PPFIA2: variants seen among roughly 807,000 people sequenced by gnomAD.
The protein encoded by PPFIA2 is liprin-alpha-2.
Under a neutral mutation model 175.5 loss-of-function variants are expected in PPFIA2, and 46 were observed. That is an observed-to-expected ratio of 0.26 (90% CI 0.21 to 0.34). The LOEUF (loss-of-function observed/expected upper bound fraction) is 0.34, where lower values mean the gene tolerates loss of function less well. Ranked by LOEUF, PPFIA2 falls within the 10% of genes least tolerant of loss-of-function variation. The pLI, the probability that PPFIA2 is intolerant of heterozygous loss-of-function variation, is 1.00. For synonymous variants in PPFIA2, 568 were observed against 511.4 expected (o/e 1.11, Z -1.49); for missense variants, 1,179 against 1,506.1 (o/e 0.78, Z 3.60).
At chr12:81,574,560 C>T (rs867449762) in intron 4 of PPFIA2, among the ~76,000 whole-genome samples, 2 of 151,668 alleles carry the variant, frequency 1.3e-5, no homozygotes, top group African/African-American at 4.8e-5. Context: ...CAATTGAATG[C>T]AATAAAAAAT....
intron 30 of PPFIA2, 29 bp downstream of exon 30, chr12:81,266,923 G>A (rs1261041164): frequency 1.3e-6 from 2 of 1,531,172 alleles, no homozygotes; most frequent in South Asian, 2.3e-5. Context: ...TACTCTCTCA[G>A]ATCTCTTTTG....
intron 8 of PPFIA2, among the ~76,000 whole-genome samples, chr12:81,386,476 G>A (rs1463454357): frequency 6.6e-6 from 1 of 151,500 alleles, no homozygotes; most frequent in Non-Finnish European, 1.5e-5. Flanking sequence ...AGGAAAATTA[G>A]CCAGGTGTTG....
rs117211172 is a variant in PPFIA2 at position 81,366,763 on chromosome 12, C to T, written c.1545+345G>A. On this transcript the variant is annotated intron_variant, in intron 14 of 32. Coordinates refer to ENST00000549396, the MANE Select transcript of PPFIA2 (RefSeq NM_003625.5). The stretch of plus-strand genomic sequence containing the variant: ...AATATCTAAAACTGACATAAATTAG[C>T]GCATATATTTTAATTCTATTTATAT... Among the ~76,000 whole-genome samples the T allele has an allele frequency of 8.4e-4, 127 of 151,702 alleles. 2 individuals carry two copies. In the East Asian group the frequency reaches 0.019, roughly 22 times the overall value.
rs2039451133 is a variant in PPFIA2, at chr12:81,272,642, T to C, written c.3311-4555A>G. ...CTATGGATATGTTTCTTTTTTCTGA[T>C]TTTATCATCGTGGTTTTCCTCATTT... On this transcript the variant is annotated intron_variant, in intron 28 of 32. Transcript: ENST00000549396. Among the ~76,000 whole-genome samples, 3 of 152,194 alleles carry C rather than the reference T, an allele frequency of 2.0e-5. No individual in the cohort carries two copies. The South Asian group carries it at 6.2e-4, about 31-fold the overall frequency.
intron 3 of PPFIA2, among the ~76,000 whole-genome samples, chr12:81,685,312 T>G (rs2153580715): frequency 6.6e-6 from 1 of 152,144 alleles, no homozygotes; most frequent in East Asian, 1.9e-4. Flanking sequence ...CTTGACAACA[T>G]TATAGGGTAA....
chr12:81,386,333 G>T (rs1249895530), intron 8 of PPFIA2, among the ~76,000 whole-genome samples: 3 of 150,882 alleles, frequency 2.0e-5, no homozygotes, highest in African/African-American at 4.9e-5. Context: ...GAAAAGAAAA[G>T]AAAGTATGGG....
At chr12:81,571,707 C>A (rs1375930927) in intron 4 of PPFIA2, among the ~76,000 whole-genome samples, 1 of 152,040 alleles carries the variant, frequency 6.6e-6, no homozygotes. Flanking sequence ...GATTTATAAC[C>A]TTGAAATAAT....
intron 4 of PPFIA2, among the ~76,000 whole-genome samples, chr12:81,652,595 T>C (rs2067186389): frequency 6.6e-6 from 1 of 152,084 alleles, no homozygotes; most frequent in African/African-American, 2.4e-5. Flanking sequence ...CCTCCCCGTC[T>C]TTCCTTCTGT....
intron 4 of PPFIA2, among the ~76,000 whole-genome samples, chr12:81,573,346 G>C (rs2072919902): frequency 6.6e-6 from 1 of 151,854 alleles, no homozygotes; most frequent in Non-Finnish European, 1.5e-5. Context: ...GCAGCGGTGA[G>C]AAAATAGTCA....
At chr12:81,718,031 G>C (rs1251911920) in intron 3 of PPFIA2, among the ~76,000 whole-genome samples, 1 of 151,598 alleles carries the variant, frequency 6.6e-6, no homozygotes, top group African/African-American at 2.4e-5. Context: ...CTCCTATTTG[G>C]CCTGAGGGTA....
At chr12:81,628,932 A>T (rs747352191) in intron 4 of PPFIA2, among the ~76,000 whole-genome samples, 8 of 152,264 alleles carry the variant, frequency 5.3e-5, no homozygotes, top group Non-Finnish European at 1.0e-4. Context: ...TTCAGTGCTC[A>T]AATACTCAGG....
intron 7 of PPFIA2, among the ~76,000 whole-genome samples, chr12:81,411,893 T>G (rs896839486): frequency 1.7e-4 from 26 of 152,084 alleles, no homozygotes; most frequent in South Asian, 2.1e-4. Context: ...CTGTGAGGTA[T>G]AATTTGATTA....
At chr12:81,339,891 A>T (rs1020445442) in intron 20 of PPFIA2, among the ~76,000 whole-genome samples, 1 of 152,098 alleles carries the variant, frequency 6.6e-6, no homozygotes, top group Non-Finnish European at 1.5e-5. Flanking sequence ...CTCGTGATCA[A>T]TGTATGTGTT....
At chr12:81,405,986 A>G (rs1032191079) in intron 7 of PPFIA2, 83 bp from the exon 8 acceptor site, 2 of 722,826 alleles carry the variant, frequency 2.8e-6, no homozygotes, top group African/African-American at 3.6e-5. Context: ...CAATGTGGTT[A>G]AGAACTAATG....
chr12:81,414,085 C>A (rs2044499058), intron 7 of PPFIA2, among the ~76,000 whole-genome samples: 1 of 151,602 alleles, frequency 6.6e-6, no homozygotes, highest in East Asian at 1.9e-4. Context: ...AGGCAACTAA[C>A]ACAGAGGAAA....
At chr12:81,437,352 C>G (rs931433637) in intron 7 of PPFIA2, among the ~76,000 whole-genome samples, 1 of 152,148 alleles carries the variant, frequency 6.6e-6, no homozygotes, top group Non-Finnish European at 1.5e-5. Context: ...GCCTCAGCCT[C>G]CCAAGTAGCT....
intron 5 of PPFIA2, among the ~76,000 whole-genome samples, chr12:81,448,884 T>C (rs1305879031): frequency 2.0e-5 from 3 of 152,190 alleles, no homozygotes; most frequent in Non-Finnish European, 1.5e-5. Context: ...TGTTGCTTTG[T>C]GTCATTAAGT....
At chr12:81,453,910 A>T (rs765095532) in intron 5 of PPFIA2, among the ~76,000 whole-genome samples, 4 of 152,186 alleles carry the variant, frequency 2.6e-5, no homozygotes, top group Non-Finnish European at 5.9e-5. Flanking sequence ...AAAATAAAGT[A>T]GGATTGAATT....
At chr12:81,546,796 GT>G (rs1173360223) in intron 4 of PPFIA2, among the ~76,000 whole-genome samples, 3 of 151,678 alleles carry the variant, frequency 2.0e-5, no homozygotes, top group Non-Finnish European at 2.9e-5. Context: ...GATAGATCAT[GT>G]TTTTTATGTG....
Sources: gnomAD v4.1 joint callset for allele counts (sites outside exome capture counted in the v4.1 genomes callset) on GRCh38, gnomAD v4.1.1 for gene constraint, MANE v1.5 for transcripts, NCBI Gene and HGNC (gene_info 2026-07-23, HGNC 2026-07-21) for gene names.